The following CD84 variants were observed in gnomAD, a reference collection of about 807,000 sequenced individuals.
The protein encoded by CD84 is SLAM family member 5.
Under a neutral mutation model 33.8 loss-of-function variants are expected in CD84, and 22 were observed. The observed-to-expected ratio is 0.65, with a 90% CI of 0.46 to 0.93. CD84 has a LOEUF of 0.93. Among genes scored for constraint, CD84 ranks in the 40% least tolerant of loss-of-function variants. The pLI, the probability that CD84 is intolerant of heterozygous loss-of-function variation, is 0.00. For missense variants in CD84, 400 were observed against 397.6 expected (o/e 1.01, Z -0.05); for synonymous variants, 154 against 145.2 (o/e 1.06, Z -0.44).
chr1:160,543,704 A>G lies in CD84; in HGVS notation c.*4552T>C, dbSNP rs1655665932. 6.6e-6 allele frequency: 1 copy of G among 151,478 alleles called. No individual in the cohort carries two copies. The allele number at this position is 151,478 out of a possible 1,614,324, so 9.4% of individuals were successfully genotyped here. ...CATCAGGTAAGTAGACTGTGGTATA[A>G]TAACGAGGGGAACAAACATTGCTTA... On this transcript the variant is annotated 3_prime_UTR_variant, in exon 7 of 7. Coordinates refer to ENST00000368054, the MANE Select transcript of CD84 (RefSeq NM_003874.4).
In CD84 at chr1:160,545,028, A is replaced by G. The variant is rs1655742635; in HGVS notation, c.*3228T>C. Reference sequence around the variant, plus strand: ...GTTGTGGAGGGGAAAATAAGATCACATGCATTTTACAGAAGGAAAATCTAA... The same window carrying G: ...GTTGTGGAGGGGAAAATAAGATCACGTGCATTTTACAGAAGGAAAATCTAA... On this transcript the variant is annotated 3_prime_UTR_variant, in exon 7 of 7. Transcript: ENST00000368054. 1 of 152,244 alleles carries G rather than the reference A, an allele frequency of 6.6e-6. No individual in the cohort carries two copies. The highest frequency in any genetic ancestry group is 6.5e-5 in the Admixed American group (1 of 15,288). 9.4% of individuals were successfully genotyped at this position (152,244 alleles called of 1,614,324 possible). A position where few individuals can be genotyped will look rare whatever the true frequency, so the allele number is the denominator to read the frequency against.
At chr1:160,560,382 G>A (rs922686277) in intron 2 of CD84, among the ~76,000 whole-genome samples, 3 of 152,112 alleles carry the variant, frequency 2.0e-5, no homozygotes, top group African/African-American at 7.2e-5. Flanking sequence ...TCAACAATCT[G>A]TTCCTGAATG....
intron 1 of CD84, 128 bp from the exon 2 acceptor site, chr1:160,565,873 T>A: frequency 1.9e-5 from 3 of 161,936 alleles, no homozygotes; most frequent in South Asian, 1.7e-4. Flanking sequence ...TGAGGATGCC[T>A]TTTTTTTTTT....
intron 2 of CD84, among the ~76,000 whole-genome samples, chr1:160,556,240 G>A (rs1656597270): frequency 6.6e-6 from 1 of 152,156 alleles, no homozygotes; most frequent in Admixed American, 6.5e-5. Flanking sequence ...CAGAGTCATG[G>A]CCGACAGATC....
chr1:160,553,147 A>G, intron 4 of CD84: 1 of 683,990 alleles, frequency 1.5e-6, no homozygotes, highest in Non-Finnish European at 2.6e-6. Flanking sequence ...GCTCGAACCC[A>G]TGTTCTGGGC....
intron 4 of CD84, chr1:160,552,645 G>T (rs1159619426): frequency 8.3e-7 from 1 of 1,198,272 alleles, no homozygotes; most frequent in East Asian, 2.6e-5. Flanking sequence ...TAACCACTCT[G>T]TTGGGAACTC....
intron 1 of CD84, among the ~76,000 whole-genome samples, chr1:160,567,807 G>A (rs1571377792): frequency 6.6e-6 from 1 of 152,200 alleles, no homozygotes; most frequent in South Asian, 2.1e-4. Flanking sequence ...GTTTTTCTGG[G>A]CTGACGGGTT....
At chr1:160,567,329 A>C (rs545866965) in intron 1 of CD84, among the ~76,000 whole-genome samples, 1 of 152,342 alleles carries the variant, frequency 6.6e-6, no homozygotes, top group East Asian at 1.9e-4. Flanking sequence ...TCAGCTCAGC[A>C]ACCACTGAAA....
chr1:160,555,335 G>A (rs1042275254), intron 2 of CD84, among the ~76,000 whole-genome samples: 3 of 151,906 alleles, frequency 2.0e-5, no homozygotes, highest in Admixed American at 6.6e-5. Context: ...CACCCGCCTC[G>A]GCCTCCCAAA....
In CD84 at chr1:160,547,091, G is replaced by A; in HGVS notation, c.*1165C>T. On this transcript the variant is annotated 3_prime_UTR_variant, in exon 7 of 7. Transcript: ENST00000368054. ...GTTGTGAATGATTCTTCCTCATTGA[G>A]GAGAGTTAATGCCTGTGTAAGCTGG... is the stretch of plus-strand genomic sequence containing the variant. The A allele has an allele frequency of 2.5e-6, 1 of 398,884 alleles. No individual in the cohort carries two copies. Among genetic ancestry groups the A allele is most frequent in the Non-Finnish European group, 4.4e-6 (1 of 226,054 alleles). The allele number at this position is 398,884 out of a possible 1,614,324, so 24.7% of individuals were successfully genotyped here.
intron 1 of CD84, among the ~76,000 whole-genome samples, chr1:160,566,885 T>A (rs1470681432): frequency 6.6e-6 from 1 of 152,206 alleles, no homozygotes; most frequent in East Asian, 1.9e-4. Flanking sequence ...GAAGATAAAC[T>A]GATTTAATAT....
chr1:160,550,542 CA>C (rs1656139059), intron 5 of CD84: 1 of 829,288 alleles, frequency 1.2e-6, no homozygotes. Flanking sequence ...ACTTGTCTGT[CA>C]GTTCTGTTGC....
At chr1:160,560,671 A>G (rs1656893707) in intron 2 of CD84, among the ~76,000 whole-genome samples, 1 of 152,216 alleles carries the variant, frequency 6.6e-6, no homozygotes, top group African/African-American at 2.4e-5. Flanking sequence ...AGACAGAGAC[A>G]CAAAAAACCA....
chr1:160,561,651 A>C (rs1413097210), intron 2 of CD84, among the ~76,000 whole-genome samples: 1 of 152,200 alleles, frequency 6.6e-6, no homozygotes. Context: ...TAGTATTGAA[A>C]GTTCTGGCAA....
In CD84 at chr1:160,548,142, G is replaced by T; in HGVS notation, c.*114C>A. ...TCCTGCTTTGCTTACAGGCTGAGAT[G>T]TGGCAGTTTGCAATCTCCCAGTAAG... On this transcript the variant is annotated 3_prime_UTR_variant, in exon 7 of 7. Coordinates refer to ENST00000368054, the MANE Select transcript of CD84 (RefSeq NM_003874.4). 9.3e-7 allele frequency: 1 copy of T among 1,077,136 alleles called. No homozygotes were observed. The highest frequency in any genetic ancestry group is 1.4e-6 in the Non-Finnish European group (1 of 710,480). 66.7% of individuals were successfully genotyped at this position (1,077,136 alleles called of 1,614,324 possible). A position where few individuals can be genotyped will look rare whatever the true frequency, so the allele number is the denominator to read the frequency against.
chr1:160,550,890 G>A (rs985946545), intron 5 of CD84, 48 bp downstream of exon 5: 7 of 1,609,558 alleles, frequency 4.3e-6, no homozygotes, highest in Non-Finnish European at 5.1e-6. Context: ...ATGACTCCCT[G>A]TCATGGAGAT....
At chr1:160,550,181 T>C (rs916607714) in intron 5 of CD84, among the ~76,000 whole-genome samples, 1 of 151,166 alleles carries the variant, frequency 6.6e-6, no homozygotes, top group Non-Finnish European at 1.5e-5. Context: ...TGGGTAGCAG[T>C]TGGGCAGGGT....
chr1:160,575,355 C>T (rs529305768), intron 1 of CD84, among the ~76,000 whole-genome samples: 15 of 152,176 alleles, frequency 9.9e-5, no homozygotes, highest in African/African-American at 3.6e-4. Context: ...TTCTCCAAAG[C>T]GACGGAAAGT....
chr1:160,556,803 G>T (rs529054794), intron 2 of CD84, among the ~76,000 whole-genome samples: 1 of 152,138 alleles, frequency 6.6e-6, no homozygotes, highest in Non-Finnish European at 1.5e-5. Flanking sequence ...CTAATTGCAC[G>T]TGGTAGAAGA....
Sources: gnomAD v4.1 joint callset for allele counts (sites outside exome capture counted in the v4.1 genomes callset) on GRCh38, gnomAD v4.1.1 for gene constraint, MANE v1.5 for transcripts, NCBI Gene and HGNC (gene_info 2026-07-23, HGNC 2026-07-21) for gene names.